The following GRIA1 variants were observed in gnomAD, a reference collection of about 807,000 sequenced individuals.
GRIA1 encodes the protein glutamate receptor 1.
GRIA1 carries 31 observed loss-of-function variants against 99.2 expected under a neutral mutation model. That is an observed-to-expected ratio of 0.31 (90% CI 0.23 to 0.42). GRIA1 has a LOEUF of 0.42. Ranked by LOEUF, GRIA1 falls within the 10% of genes least tolerant of loss-of-function variation. The pLI is 1.00. For synonymous variants in GRIA1, 438 were observed against 432.4 expected (o/e 1.01, Z -0.16); for missense variants, 782 against 1,157.5 (o/e 0.68, Z 4.71).
intron 13 of GRIA1, among the ~76,000 whole-genome samples, chr5:153,783,021 G>A (rs139556164): frequency 9.4e-4 from 143 of 152,306 alleles, no homozygotes; most frequent in African/African-American, 3.2e-3. Flanking sequence ...AGCAGGGTCA[G>A]GCTGGAGGTG....
intron 13 of GRIA1, among the ~76,000 whole-genome samples, chr5:153,772,867 A>G (rs547023473): frequency 6.6e-6 from 1 of 152,346 alleles, no homozygotes; most frequent in African/African-American, 2.4e-5. Flanking sequence ...TCGTGAGTCA[A>G]GGACATCCAC....
intron 8 of GRIA1, among the ~76,000 whole-genome samples, chr5:153,688,127 C>T (rs1343282408): frequency 3.9e-5 from 6 of 152,298 alleles, no homozygotes; most frequent in East Asian, 1.9e-4. Flanking sequence ...CACATCTTCT[C>T]GCTAACCACA....
At chr5:153,528,891 T>A (rs1247228144) in intron 2 of GRIA1, among the ~76,000 whole-genome samples, 2 of 152,168 alleles carry the variant, frequency 1.3e-5, no homozygotes, top group Non-Finnish European at 2.9e-5. Context: ...TTGCTTTGAA[T>A]CATGCCTCCT....
intron 12 of GRIA1, among the ~76,000 whole-genome samples, chr5:153,768,558 AACTATTTCCATTACTTTTCC>A: frequency 2.6e-5 from 4 of 152,168 alleles, no homozygotes; most frequent in African/African-American, 9.7e-5. Context: ...TTTTAATAGC[AACTATTTCCATTACTTTTCC>A]CTCAAGATCT....
rs146374158 is a variant in GRIA1 at position 153,527,331 on chromosome 5, C to T, written c.220+33266C>T. Among the ~76,000 whole-genome samples the T allele has an allele frequency of 6.1e-3, 929 of 152,188 alleles. 8 individuals are homozygous for T. Among genetic ancestry groups the T allele is most frequent in the African/African-American group, 0.021 (884 of 41,520 alleles). ...TTGGTTGTACACAGGATAGGTGCAT[C>T]GTGTTAGTTACATCATATTAGGCAG... On this transcript the variant is annotated intron_variant, in intron 2 of 15. Coordinates refer to ENST00000285900, the MANE Select transcript of GRIA1 (RefSeq NM_000827.4).
chr5:153,539,000 G>A (rs1234143379), intron 2 of GRIA1, among the ~76,000 whole-genome samples: 1 of 152,136 alleles, frequency 6.6e-6, no homozygotes, highest in Non-Finnish European at 1.5e-5. Context: ...ATCTTCCTTG[G>A]AATGACACTG....
In GRIA1 at chr5:153,624,385, C is replaced by T. The variant is rs576484830; in HGVS notation, c.221-22543C>T. Among the ~76,000 whole-genome samples, 20 of 152,240 alleles carry T rather than the reference C, an allele frequency of 1.3e-4. No homozygotes were observed. The East Asian group carries it at 3.7e-3, about 28-fold the overall frequency. On this transcript the variant is annotated intron_variant, in intron 2 of 15. Coordinates refer to ENST00000285900, the MANE Select transcript of GRIA1 (RefSeq NM_000827.4). The stretch of plus-strand genomic sequence containing the variant: ...TGAGTATATGGGCCTCAGCAGTCAC[C>T]GCCCAAGGGCTGTGCCTGCTTGTCA...
Position 153,777,009 on chromosome 5 carries a change from A to C in GRIA1, c.2270+6594A>C, listed in dbSNP as rs147348040. 6.7e-3 allele frequency among the ~76,000 whole-genome samples: 1,021 copies of C among 152,340 alleles called. 7 individuals carry two copies. The highest frequency in any genetic ancestry group is 0.023 in the African/African-American group (953 of 41,568). ...CCAGAAAATAATTGGGAAACAAATA[A>C]GCAAGTGCTTTTTTGTGTGGCATTA... On this transcript the variant is annotated intron_variant, in intron 13 of 15. Transcript: ENST00000285900.
intron 2 of GRIA1, among the ~76,000 whole-genome samples, chr5:153,568,496 G>GT (rs1239181903): frequency 2.0e-5 from 3 of 151,896 alleles, no homozygotes; most frequent in Admixed American, 6.6e-5. Flanking sequence ...GATTCAAATG[G>GT]TTTTTTTTAA....
At chr5:153,550,060 T>C (rs986854929) in intron 2 of GRIA1, among the ~76,000 whole-genome samples, 3 of 152,170 alleles carry the variant, frequency 2.0e-5, no homozygotes, top group African/African-American at 7.2e-5. Context: ...AAGATTGCAT[T>C]GAATATTAAA....
chr5:153,575,959 C>T (rs1381780493), intron 2 of GRIA1, among the ~76,000 whole-genome samples: 3 of 152,164 alleles, frequency 2.0e-5, no homozygotes, highest in Admixed American at 1.3e-4. Flanking sequence ...TCATCCTGAG[C>T]CCCAGCTACT....
intron 2 of GRIA1, among the ~76,000 whole-genome samples, chr5:153,581,983 C>T (rs1420008260): frequency 2.0e-5 from 3 of 152,210 alleles, no homozygotes; most frequent in African/African-American, 7.2e-5. Flanking sequence ...GTCTCAAACT[C>T]CTGGTCTCAT....
At chr5:153,667,990 A>T (rs1210563684) in intron 5 of GRIA1, among the ~76,000 whole-genome samples, 1 of 152,216 alleles carries the variant, frequency 6.6e-6, no homozygotes. Flanking sequence ...CATTGTACTC[A>T]AATGCCTTTT....
At chr5:153,723,864 C>A (rs6876631) in intron 11 of GRIA1, among the ~76,000 whole-genome samples, 79,155 of 151,644 alleles carry the variant, frequency 0.52, 21,559 homozygotes, top group East Asian at 0.94. Context: ...ACTTAAATGT[C>A]CCTGTCTGAC....
intron 2 of GRIA1, among the ~76,000 whole-genome samples, chr5:153,593,391 A>G (rs1386975556): frequency 6.6e-6 from 1 of 152,194 alleles, no homozygotes; most frequent in Non-Finnish European, 1.5e-5. Flanking sequence ...TGGAGTCCAT[A>G]GCAATGCCGT....
At chr5:153,660,601 G>A (rs538820041) in intron 5 of GRIA1, among the ~76,000 whole-genome samples, 2 of 152,304 alleles carry the variant, frequency 1.3e-5, no homozygotes, top group African/African-American at 4.8e-5. Context: ...TACAGTAGCA[G>A]CAATAGATCT....
intron 11 of GRIA1, among the ~76,000 whole-genome samples, chr5:153,728,056 C>T (rs1011199757): frequency 6.6e-6 from 1 of 151,148 alleles, no homozygotes; most frequent in Non-Finnish European, 1.5e-5. Context: ...TGGAACAGAA[C>T]AGAGCCCTCA....
intron 11 of GRIA1, among the ~76,000 whole-genome samples, chr5:153,718,875 T>C (rs1446949471): frequency 1.3e-5 from 2 of 152,116 alleles, no homozygotes; most frequent in Non-Finnish European, 2.9e-5. Context: ...AGATGCAGTG[T>C]TATGACTGGA....
chr5:153,627,091 G>A (rs1254403412), intron 2 of GRIA1, among the ~76,000 whole-genome samples: 4 of 152,182 alleles, frequency 2.6e-5, no homozygotes, highest in Non-Finnish European at 4.4e-5. Flanking sequence ...TATTAACTGA[G>A]AGGTACAATT....
Sources: gnomAD v4.1 joint callset for allele counts (sites outside exome capture counted in the v4.1 genomes callset) on GRCh38, gnomAD v4.1.1 for gene constraint, MANE v1.5 for transcripts, NCBI Gene and HGNC (gene_info 2026-07-23, HGNC 2026-07-21) for gene names.